The following RAB27A variants were observed in gnomAD, a reference collection of about 807,000 sequenced individuals.
RAB27A encodes the protein ras-related protein Rab-27A.
Under a neutral mutation model 20.8 loss-of-function variants are expected in RAB27A, and 17 were observed. That is an observed-to-expected ratio of 0.82 (90% confidence interval 0.56 to 1.23). The LOEUF is 1.23. RAB27A is among the 50% of genes most tolerant of loss of function. The probability of loss-of-function intolerance (pLI) is 0.00; values close to 1 mark genes in which losing one functional copy is unlikely to be tolerated. For missense variants in RAB27A, 277 were observed against 266.7 expected (o/e 1.04, Z -0.27); for synonymous variants, 85 against 92.8 (o/e 0.92, Z 0.48).
At chr15:55,296,966 A>G (rs1490904951) in intron 2 of RAB27A, among the ~76,000 whole-genome samples, 1 of 152,204 alleles carries the variant, frequency 6.6e-6, no homozygotes, top group Non-Finnish European at 1.5e-5. Flanking sequence ...ACATCAGAAA[A>G]AAATATTTCA....
At chr15:55,220,640 A>G (rs183617815) in intron 6 of RAB27A, among the ~76,000 whole-genome samples, 17 of 152,318 alleles carry the variant, frequency 1.1e-4, no homozygotes, top group African/African-American at 3.8e-4. Flanking sequence ...AAATTTATCA[A>G]ACAACATACA....
intron 2 of RAB27A, among the ~76,000 whole-genome samples, chr15:55,298,609 T>A (rs772921426): frequency 6.6e-6 from 1 of 152,164 alleles, no homozygotes; most frequent in Non-Finnish European, 1.5e-5. Flanking sequence ...TAACATCTTA[T>A]CAGGAGACAG....
chr15:55,235,595 T>G (rs1312777543), intron 2 of RAB27A, among the ~76,000 whole-genome samples: 1 of 151,824 alleles, frequency 6.6e-6, no homozygotes, highest in East Asian at 1.9e-4. Flanking sequence ...GAACAAAAAC[T>G]AATACAAGAA....
At chr15:55,231,911 CAA>C in intron 3 of RAB27A, among the ~76,000 whole-genome samples, 1 of 146,848 alleles carries the variant, frequency 6.8e-6, no homozygotes, top group East Asian at 2.0e-4. Context: ...ACAACAACAA[CAA>C]AAAAAAAATT....
At chr15:55,292,301 A>T (rs962507784), upstream of RAB27A, among the ~76,000 whole-genome samples, 1 of 152,246 alleles carries the variant, frequency 6.6e-6, no homozygotes, top group African/African-American at 2.4e-5. Flanking sequence ...TGTATTACAG[A>T]TGAGGAAACT....
intron 2 of RAB27A, among the ~76,000 whole-genome samples, chr15:55,262,396 G>A (rs955420293): frequency 4.0e-5 from 6 of 151,720 alleles, no homozygotes; most frequent in Non-Finnish European, 8.8e-5. Context: ...AAAAAAATTA[G>A]CCGGGCGTGG....
intron 2 of RAB27A, chr15:55,249,148 T>C (rs943904275): frequency 6.6e-6 from 1 of 152,206 alleles, no homozygotes; most frequent in African/African-American, 2.4e-5. Context: ...ATCCAGCCAG[T>C]TTCTAACTCA....
chr15:55,234,968 A>C lies in RAB27A; in HGVS notation c.-22-12T>G, dbSNP rs764375798. 8.8e-6 allele frequency: 14 copies of C among 1,582,460 alleles called. No individual in the cohort carries two copies. The Middle Eastern group carries it at 1.5e-3, about 172-fold the overall frequency. ...ACTCAGTAGTTCACCTGTAAAATAC[A>C]CACAAAATTTTTTAATTAAAATCCA... On this transcript the variant is annotated splice_polypyrimidine_tract_variant and intron_variant, in intron 2 of 6. Coordinates refer to ENST00000336787, the MANE Select transcript of RAB27A (RefSeq NM_183235.3).
At chr15:55,309,290 C>T (rs894459051) in intron 2 of RAB27A, among the ~76,000 whole-genome samples, 1 of 152,322 alleles carries the variant, frequency 6.6e-6, no homozygotes, top group African/African-American at 2.4e-5. Context: ...ATGTTCCTCA[C>T]TGAGGGCCCT....
chr15:55,247,763 G>C (rs1389845063), intron 2 of RAB27A, among the ~76,000 whole-genome samples: 1 of 152,102 alleles, frequency 6.6e-6, no homozygotes, highest in Admixed American at 6.5e-5. Flanking sequence ...ACATCCATGA[G>C]TTGGCAGTAA....
chr15:55,319,020 C>A, exon 1 of RAB27A: 1 of 506,140 alleles, frequency 2.0e-6, no homozygotes, highest in African/African-American at 2.0e-5. Context: ...AGTTTTCGGA[C>A]CCCCGAGCAC....
chr15:55,263,780 C>CTG (rs1953834671), intron 2 of RAB27A, among the ~76,000 whole-genome samples: 1 of 151,778 alleles, frequency 6.6e-6, no homozygotes, highest in Non-Finnish European at 1.5e-5. Flanking sequence ...TTCCATTAGT[C>CTG]TGTTTAATTG....
At chr15:55,221,163 C>T (rs1895551198) in intron 6 of RAB27A, among the ~76,000 whole-genome samples, 1 of 152,174 alleles carries the variant, frequency 6.6e-6, no homozygotes, top group Non-Finnish European at 1.5e-5. Flanking sequence ...GCACAGGAAA[C>T]AAGCAAAGGG....
chr15:55,212,534 T>TTTTA, intron 6 of RAB27A, among the ~76,000 whole-genome samples: 1 of 127,544 alleles, frequency 7.8e-6, no homozygotes, highest in African/African-American at 3.6e-5. Flanking sequence ...CAACAAATCT[T>TTTTA]TTTTTTTTTT....
intron 6 of RAB27A, among the ~76,000 whole-genome samples, chr15:55,216,765 A>G (rs552168958): frequency 6.6e-6 from 1 of 152,314 alleles, no homozygotes; most frequent in African/African-American, 2.4e-5. Flanking sequence ...CCTACACCAG[A>G]GATGCTGCAC....
chr15:55,217,308 T>C (rs1223539754), intron 6 of RAB27A, among the ~76,000 whole-genome samples: 1 of 152,066 alleles, frequency 6.6e-6, no homozygotes, highest in Non-Finnish European at 1.5e-5. Context: ...TAATCTCATC[T>C]AGCAAACTAG....
chr15:55,208,476 G>C (rs74015503), intron 6 of RAB27A, among the ~76,000 whole-genome samples: 6,307 of 152,204 alleles, frequency 0.041, 442 homozygotes, highest in African/African-American at 0.15. Context: ...AAAGAGCCTA[G>C]ATTCATATCA....
upstream of RAB27A, among the ~76,000 whole-genome samples, chr15:55,290,802 G>A (rs1431669661): frequency 6.6e-6 from 1 of 152,214 alleles, no homozygotes; most frequent in Non-Finnish European, 1.5e-5. Flanking sequence ...GGAGTCTAAG[G>A]CAAAGGCCCT....
In RAB27A at chr15:55,209,954, G is replaced by A. The variant is rs530482797; in HGVS notation, c.468-4249C>T. On this transcript the variant is annotated intron_variant, in intron 6 of 6. Coordinates refer to ENST00000336787, the MANE Select transcript of RAB27A (RefSeq NM_183235.3). ...TATGTATGTACATGTACACACATAC[G>A]CATATATGTGCGTATGTGTGTACAT... Among the ~76,000 whole-genome samples, 56 of 129,470 alleles carry A rather than the reference G, an allele frequency of 4.3e-4. 7 individuals are homozygous for A. The Middle Eastern group carries it at 0.013, about 31-fold the overall frequency. 84.9% of individuals were successfully genotyped at this position (129,470 alleles called of 152,430 possible).
Sources: allele counts gnomAD v4.1 joint callset (sites outside exome capture counted in the v4.1 genomes callset), GRCh38; gene constraint gnomAD v4.1.1; transcripts MANE v1.5; gene names NCBI Gene and HGNC (gene_info 2026-07-23, HGNC 2026-07-21).